The following NIM1K variants were observed in gnomAD, a reference collection of about 807,000 sequenced individuals.
The protein encoded by NIM1K is NIM1 serine/threonine protein kinase.
A neutral mutation model predicts 37.1 loss-of-function variants in NIM1K; 35 were observed. The observed-to-expected ratio is 0.94, with a 90% confidence interval of 0.72 to 1.25. The LOEUF (loss-of-function observed/expected upper bound fraction) is 1.25, where lower values mean the gene tolerates loss of function less well. NIM1K is among the 50% of genes most tolerant of loss of function. NIM1K has a pLI of 0.00. For synonymous variants in NIM1K, 234 were observed against 206.6 expected, an observed-to-expected ratio of 1.13 and a Z score of -1.14; for missense variants, 564 against 548.0, an observed-to-expected ratio of 1.03 and a Z score of -0.29.
At chr5:43,244,147 T>C (rs886305958) in intron 1 of NIM1K, among the ~76,000 whole-genome samples, 1 of 152,228 alleles carries the variant, frequency 6.6e-6, no homozygotes, top group Admixed American at 6.5e-5. Flanking sequence ...ATTGTAATAA[T>C]GTGATATTAT....
chr5:43,224,553 G>A (rs1156393290), intron 1 of NIM1K, among the ~76,000 whole-genome samples: 1 of 151,898 alleles, frequency 6.6e-6, no homozygotes, highest in Non-Finnish European at 1.5e-5. Flanking sequence ...CTGAGGGATT[G>A]GTTTTTTTAC....
At chr5:43,250,042 C>T (rs954922907) in intron 2 of NIM1K, among the ~76,000 whole-genome samples, 8 of 151,504 alleles carry the variant, frequency 5.3e-5, no homozygotes, top group East Asian at 1.9e-4. Context: ...TTAGTAGAGA[C>T]GGGGTTTCAC....
intron 1 of NIM1K, among the ~76,000 whole-genome samples, chr5:43,213,190 TTTC>T (rs1752232532): frequency 2.1e-4 from 13 of 61,474 alleles, no homozygotes; most frequent in Admixed American, 1.4e-4. Flanking sequence ...TCTTTCTTTC[TTTC>T]TTTCTTTCTT....
At position 43,233,239 on chromosome 5, in the gene NIM1K, C is replaced by T. The variant is rs983401469; in HGVS notation, c.-694-11843C>T. The T allele has an allele frequency of 5.3e-6, 4 of 761,722 alleles. No homozygotes were observed. The Admixed American group carries it at 6.8e-5, about 13-fold the overall frequency. 47.2% of individuals were successfully genotyped at this position (761,722 alleles called of 1,614,324 possible). On this transcript the variant is annotated intron_variant, in intron 1 of 3. Transcript: ENST00000326035. ...GGAGAGATTGTTGCTTCTTACAGTG[C>T]GACTCTTAGGTGATTGATATAAGAG...
chr5:43,239,375 T>G (rs1397369772), intron 1 of NIM1K, among the ~76,000 whole-genome samples: 1 of 151,890 alleles, frequency 6.6e-6, no homozygotes, highest in Non-Finnish European at 1.5e-5. Flanking sequence ...GTAGCTAGAA[T>G]TACAGGTGCC....
chr5:43,242,657 A>G, intron 1 of NIM1K, among the ~76,000 whole-genome samples: 1 of 151,876 alleles, frequency 6.6e-6, no homozygotes, highest in Non-Finnish European at 1.5e-5. Context: ...AAACAAAAAT[A>G]TTTACCTCTA....
chr5:43,274,483 T>C (rs1402165228), intron 2 of NIM1K, among the ~76,000 whole-genome samples: 2 of 152,154 alleles, frequency 1.3e-5, no homozygotes, highest in African/African-American at 4.8e-5. Context: ...AACAACAGCT[T>C]ACCCAACATG....
At position 43,277,190 on chromosome 5, in the gene NIM1K, C is replaced by G. The variant is rs1753355882; in HGVS notation, c.426C>G (p.Thr142=). Residue 142 remains threonine, a synonymous_variant, in exon 3 of 4, where the codon ACC becomes ACG. Transcript: ENST00000326035. ...TCCGCCTTTACGAAGTGGTGGAGAC[C>G]CTATCCAAGCTGCACTTGGTGATGG... ...NIIRLYEVVE[T]LSKLHLVMEY... is the part of the protein sequence containing the mutation. 1.9e-6 allele frequency: 3 copies of G among 1,613,934 alleles called. No homozygotes were observed. The highest frequency in any genetic ancestry group is 1.7e-5 in the Admixed American group (1 of 59,994).
intron 3 of NIM1K, 152 bp downstream of exon 3, chr5:43,277,477 T>G: frequency 1.3e-6 from 1 of 789,480 alleles, no homozygotes; most frequent in Non-Finnish European, 2.0e-6. Context: ...CTGGCTGGGA[T>G]CATGCTCCTT....
chr5:43,280,804 G>A lies in NIM1K; in HGVS notation c.*75G>A. The A allele has an allele frequency of 7.5e-7, 1 of 1,332,936 alleles. No individual in the cohort carries two copies. Among genetic ancestry groups the A allele is most frequent in the Non-Finnish European group, 1.0e-6 (1 of 990,716 alleles). 82.6% of individuals were successfully genotyped at this position (1,332,936 alleles called of 1,614,324 possible). On this transcript the variant is annotated 3_prime_UTR_variant, in exon 4 of 4. Transcript: ENST00000326035. ...AATTTTTTTCAAGGACAACTTGAGTGGAGACATTTTTGTAATTTTTAAATA... is the reference window on the plus strand; with the variant it reads ...AATTTTTTTCAAGGACAACTTGAGTAGAGACATTTTTGTAATTTTTAAATA...
In NIM1K at chr5:43,196,154, C is replaced by T. The variant is rs186445902; in HGVS notation, c.-695+3743C>T. 7.9e-5 allele frequency among the ~76,000 whole-genome samples: 12 copies of T among 152,188 alleles called. No homozygotes were observed. In the East Asian group the frequency reaches 1.5e-3, roughly 20 times the overall value. Reference sequence around the variant, plus strand: ...ACTAGCTGCTCATTAGATCTTTTCTCCCTAATCCTAAAGCCATCAAGAAGC... The same window carrying T: ...ACTAGCTGCTCATTAGATCTTTTCTTCCTAATCCTAAAGCCATCAAGAAGC... On this transcript the variant is annotated intron_variant, in intron 1 of 3. Transcript: ENST00000326035.
In NIM1K at chr5:43,264,509, G is replaced by A. The variant is rs184205386; in HGVS notation, c.293-12548G>A. ...CTCCATGCCTTTATTTTGAGCCTAT[G>A]TGTGTCTCTGCATGTGAGATGGGTC... On this transcript the variant is annotated intron_variant, in intron 2 of 3. Transcript: ENST00000326035. Among the ~76,000 whole-genome samples the A allele has an allele frequency of 5.9e-5, 9 of 152,242 alleles. No individual in the cohort carries two copies. In the East Asian group the frequency reaches 1.5e-3, roughly 26 times the overall value.
chr5:43,280,369 C>T lies in NIM1K; in HGVS notation c.951C>T (p.Asp317=). The T allele has an allele frequency of 6.2e-7, 1 of 1,614,212 alleles. No homozygotes were observed. The highest frequency in any genetic ancestry group is 8.5e-7 in the Non-Finnish European group (1 of 1,180,042). Residue 317 remains aspartate, a synonymous_variant, in exon 4 of 4, where the codon GAC becomes GAT. Transcript: ENST00000326035. The part of the protein sequence containing the change: ...QQIPTERYGI[D]CIMNDEWMQG... ...TCCCCACGGAGAGGTACGGAATCGA[C>T]TGCATCATGAATGATGAATGGATGC... is the stretch of plus-strand genomic sequence containing the variant.
In NIM1K at chr5:43,206,556, G is replaced by A. The variant is rs80276110; in HGVS notation, c.-695+14145G>A. ...GGAGAAAAAAAGAAAATCCAAGAAA[G>A]TAAATTAGGAGGGTCTTGAAGGCTG... On this transcript the variant is annotated intron_variant, in intron 1 of 3. Transcript: ENST00000326035. Among the ~76,000 whole-genome samples, 1,472 of 149,616 alleles carry A rather than the reference G, an allele frequency of 9.8e-3. 89 individuals carry two copies. The East Asian group carries it at 0.16, about 16-fold the overall frequency.
chr5:43,257,596 C>G (rs535931642), intron 2 of NIM1K, among the ~76,000 whole-genome samples: 1 of 152,052 alleles, frequency 6.6e-6, no homozygotes, highest in East Asian at 1.9e-4. Context: ...CATCATCCAC[C>G]CGCCCTGGCC....
intron 3 of NIM1K, among the ~76,000 whole-genome samples, chr5:43,278,626 A>G (rs1320998153): frequency 6.6e-6 from 1 of 152,190 alleles, no homozygotes; most frequent in Non-Finnish European, 1.5e-5. Context: ...GCTATTTCCA[A>G]TTCACTTCTC....
intron 2 of NIM1K, among the ~76,000 whole-genome samples, chr5:43,264,456 C>T (rs974502993): frequency 2.6e-5 from 4 of 151,880 alleles, no homozygotes; most frequent in African/African-American, 4.8e-5. Context: ...CTGCCTTTTT[C>T]TGTTTTCCAT....
At chr5:43,268,959 CTT>C (rs1753212431) in intron 2 of NIM1K, among the ~76,000 whole-genome samples, 1 of 151,558 alleles carries the variant, frequency 6.6e-6, no homozygotes. Context: ...CCTTCTTTGT[CTT>C]TTTCTTTTTT....
intron 1 of NIM1K, among the ~76,000 whole-genome samples, chr5:43,215,105 A>G (rs900698582): frequency 1.3e-5 from 2 of 152,192 alleles, no homozygotes; most frequent in African/African-American, 4.8e-5. Flanking sequence ...GTGAGATGAC[A>G]GGTCCTCATT....
Sources: allele counts gnomAD v4.1 joint callset (sites outside exome capture counted in the v4.1 genomes callset), GRCh38; gene constraint gnomAD v4.1.1; transcripts MANE v1.5; gene names NCBI Gene and HGNC (gene_info 2026-07-23, HGNC 2026-07-21).